The following AKR1C4 variants were observed in gnomAD, a reference collection of about 807,000 sequenced individuals.
AKR1C4 encodes 3-alpha-HSD1.
In AKR1C4, 44 loss-of-function variants were observed where a neutral mutation model predicts 41.0. The ratio of observed to expected loss-of-function variants is 1.07; its 90% CI spans 0.84 to 1.38. The LOEUF is 1.38. Among genes scored for constraint, AKR1C4 ranks in the 40% most tolerant of loss-of-function variants. The probability of loss-of-function intolerance (pLI) is 0.00; values close to 1 mark genes in which losing one functional copy is unlikely to be tolerated. For missense variants in AKR1C4, 438 were observed against 387.9 expected, an observed-to-expected ratio of 1.13 and a Z score of -1.09; for synonymous variants, 165 against 137.7, an observed-to-expected ratio of 1.20 and a Z score of -1.39.
chr10:5,208,896 T>G lies in AKR1C4; in HGVS notation c.570+2499T>G, dbSNP rs1346131460. The stretch of plus-strand genomic sequence containing the variant: ...TGAAGAATAAATAAAAGATGTATCA[T>G]GAAAACAAAAACAAAAAAAAAACAT... On this transcript the variant is annotated intron_variant, in intron 5 of 8. Coordinates refer to ENST00000263126, the MANE Select transcript of AKR1C4 (RefSeq NM_001818.5). 5.1e-5 allele frequency among the ~76,000 whole-genome samples: 6 copies of G among 117,560 alleles called. 1 individual carries two copies. The highest frequency in any genetic ancestry group is 1.5e-4 in the African/African-American group (5 of 32,470). The allele number at this position is 117,560 out of a possible 152,430, so 77.1% of individuals were successfully genotyped here.
chr10:5,212,966 A>G lies in AKR1C4; in HGVS notation c.681-28A>G, dbSNP rs782126547. The G allele has an allele frequency of 9.9e-6, 16 of 1,611,272 alleles. No homozygotes were observed. In the Admixed American group the frequency reaches 1.7e-4, roughly 17 times the overall value. ...CTACCAAACTGAATCCAGCCTCAAGACTTCAGCATTTCTGGCTTTCCTTCC... is the reference window on the plus strand; with the variant it reads ...CTACCAAACTGAATCCAGCCTCAAGGCTTCAGCATTTCTGGCTTTCCTTCC... On this transcript the variant is annotated intron_variant, in intron 6 of 8. Transcript: ENST00000263126.
intron 1 of AKR1C4, among the ~76,000 whole-genome samples, chr10:5,198,493 G>C (rs1383158510): frequency 6.6e-6 from 1 of 152,070 alleles, no homozygotes; most frequent in Admixed American, 6.5e-5. Flanking sequence ...ATACAGACTG[G>C]GTCAATTTAA....
intron 1 of AKR1C4, among the ~76,000 whole-genome samples, chr10:5,197,899 C>T (rs1334747362): frequency 1.3e-5 from 2 of 152,122 alleles, no homozygotes; most frequent in African/African-American, 2.4e-5. Flanking sequence ...ACCTTGAGTG[C>T]CTGCACAGCA....
intron 7 of AKR1C4, among the ~76,000 whole-genome samples, chr10:5,216,269 A>C (rs1282653730): frequency 6.6e-6 from 1 of 152,234 alleles, no homozygotes. Context: ...GGATGCCCCC[A>C]GGGCACAAAC....
intron 7 of AKR1C4, among the ~76,000 whole-genome samples, chr10:5,214,209 A>G (rs1832620122): frequency 6.6e-6 from 1 of 152,168 alleles, no homozygotes; most frequent in African/African-American, 2.4e-5. Flanking sequence ...GAATTATTGA[A>G]AAGTCCATAT....
intron 2 of AKR1C4, among the ~76,000 whole-genome samples, chr10:5,203,545 C>G (rs905952226): frequency 1.3e-5 from 2 of 152,198 alleles, no homozygotes; most frequent in Non-Finnish European, 2.9e-5. Context: ...ATTCTGGAGG[C>G]AGTTTCTCCC....
At chr10:5,198,508 C>A (rs1832347498) in intron 1 of AKR1C4, among the ~76,000 whole-genome samples, 1 of 152,158 alleles carries the variant, frequency 6.6e-6, no homozygotes, top group African/African-American at 2.4e-5. Flanking sequence ...ATTTAACCAG[C>A]ACCCAGTTAA....
chr10:5,198,255 G>C (rs1373070702), intron 1 of AKR1C4, among the ~76,000 whole-genome samples: 1 of 152,122 alleles, frequency 6.6e-6, no homozygotes, highest in Non-Finnish European at 1.5e-5. Flanking sequence ...ATTTAGTTCT[G>C]TCATGCACAC....
chr10:5,205,478 A>G (rs996856094), intron 3 of AKR1C4, among the ~76,000 whole-genome samples: 1 of 152,192 alleles, frequency 6.6e-6, no homozygotes, highest in Non-Finnish European at 1.5e-5. Flanking sequence ...CCCCAAAAAA[A>G]TTATAGGATC....
chr10:5,212,987 C>CT lies in AKR1C4; in HGVS notation c.681-5dup. 1.2e-6 allele frequency: 2 copies of CT among 1,613,660 alleles called. No individual in the cohort carries two copies. Among genetic ancestry groups the CT allele is most frequent in the Non-Finnish European group, 1.7e-6 (2 of 1,179,698 alleles). Reference sequence around the variant, plus strand: ...CAAGACTTCAGCATTTCTGGCTTTCCTTCCAGGGTGGACCCAAACTCCCCA... The same window carrying CT: ...CAAGACTTCAGCATTTCTGGCTTTCCTTTCCAGGGTGGACCCAAACTCCCCA... On this transcript the variant is annotated splice_polypyrimidine_tract_variant and splice_region_variant and intron_variant, in intron 6 of 8. Transcript: ENST00000263126.
Position 5,204,530 on chromosome 10 carries a change from C to A in AKR1C4, c.369+37C>A, listed in dbSNP as rs537481151. On this transcript the variant is annotated intron_variant, in intron 3 of 8. Transcript: ENST00000263126. ...GTGAGATCAACTTCTCTTCTGTTCT[C>A]AGCATGACCATCCTTTATGATGGTT... 12 of 1,417,052 alleles carry A rather than the reference C, an allele frequency of 8.5e-6. No individual in the cohort carries two copies. In the East Asian group the frequency reaches 2.3e-4, roughly 27 times the overall value. 87.8% of individuals were successfully genotyped at this position (1,417,052 alleles called of 1,614,324 possible). A position where few individuals can be genotyped will look rare whatever the true frequency, so the allele number is the denominator to read the frequency against.
At chr10:5,217,248 T>C (rs534921410) in intron 8 of AKR1C4, among the ~76,000 whole-genome samples, 3 of 152,366 alleles carry the variant, frequency 2.0e-5, no homozygotes, top group East Asian at 3.9e-4. Context: ...TCTCTTCTCT[T>C]CCATATGGAA....
intron 5 of AKR1C4, among the ~76,000 whole-genome samples, chr10:5,208,493 T>A (rs1345486858): frequency 6.6e-6 from 1 of 151,634 alleles, no homozygotes; most frequent in Non-Finnish European, 1.5e-5. Flanking sequence ...GTTGACACTT[T>A]GCCAACCTGG....
In AKR1C4 at chr10:5,206,301, A is replaced by G; in HGVS notation, c.474A>G (p.Gly158=). ...WEVMEKCKDA[G]LAKSIGVSNF... is the part of the protein sequence containing the mutation. Reference sequence around the variant, plus strand: ...TCATGGAGAAGTGTAAGGATGCAGGATTGGCCAAGTCCATCGGGGTGTCAA... The same window carrying G: ...TCATGGAGAAGTGTAAGGATGCAGGGTTGGCCAAGTCCATCGGGGTGTCAA... Residue 158 remains glycine (G), a synonymous_variant, in exon 5 of 9, where the codon GGA becomes GGG. Transcript: ENST00000263126. 1.2e-6 allele frequency: 2 copies of G among 1,614,096 alleles called. No homozygotes were observed. The highest frequency in any genetic ancestry group is 1.7e-6 in the Non-Finnish European group (2 of 1,179,982).
In AKR1C4 at chr10:5,204,288, G is replaced by C. The variant is rs190454493; in HGVS notation, c.253-89G>C. 5 of 1,017,938 alleles carry C rather than the reference G, an allele frequency of 4.9e-6. No individual in the cohort carries two copies. In the African/African-American group the frequency reaches 8.0e-5, roughly 16 times the overall value. The allele number at this position is 1,017,938 out of a possible 1,614,324, so 63.1% of individuals were successfully genotyped here. A position where few individuals can be genotyped will look rare whatever the true frequency, so the allele number is the denominator to read the frequency against. On this transcript the variant is annotated intron_variant, in intron 2 of 8. Coordinates refer to ENST00000263126, the MANE Select transcript of AKR1C4 (RefSeq NM_001818.5). ...TTGCCAGAGGTCATCTGTTTGGAAC[G>C]GTGAAAAATGTCTAAATATTAGGTG...
At chr10:5,209,696 T>C (rs1554797760) in intron 5 of AKR1C4, among the ~76,000 whole-genome samples, 6 of 152,140 alleles carry the variant, frequency 3.9e-5, no homozygotes. Context: ...ATCTCCTCCT[T>C]ATAAAACCAT....
chr10:5,213,848 T>C (rs538409054), intron 7 of AKR1C4, among the ~76,000 whole-genome samples: 23 of 152,194 alleles, frequency 1.5e-4, no homozygotes, highest in African/African-American at 5.1e-4. Context: ...CAGCTTCAAA[T>C]GTATTGTTGA....
chr10:5,209,864 T>G (rs942626457), intron 5 of AKR1C4, among the ~76,000 whole-genome samples: 1 of 152,144 alleles, frequency 6.6e-6, no homozygotes, highest in East Asian at 1.9e-4. Context: ...AACCATATCA[T>G]GCCACCCCTG....
chr10:5,216,581 C>A, intron 7 of AKR1C4, 130 bp from the exon 8 acceptor site: 2 of 621,906 alleles, frequency 3.2e-6, no homozygotes, highest in Admixed American at 3.3e-5. Context: ...TAGAGATGGT[C>A]TTTCATAACT....
Sources: gnomAD v4.1 joint callset for allele counts (sites outside exome capture counted in the v4.1 genomes callset) on GRCh38, gnomAD v4.1.1 for gene constraint, MANE v1.5 for transcripts, NCBI Gene and HGNC (gene_info 2026-07-23, HGNC 2026-07-21) for gene names.